NBPF10: variants seen among roughly 807,000 people sequenced by gnomAD.
NBPF10 encodes the protein NBPF family member NBPF10.
In NBPF10, 63 loss-of-function variants were observed where a neutral mutation model predicts 77.9. The ratio of observed to expected loss-of-function variants is 0.81; its 90% CI spans 0.66 to 1.00. NBPF10 has a LOEUF of 1.00. Ranked by LOEUF, NBPF10 falls within the 50% of genes least tolerant of loss-of-function variation. The pLI is 0.00. For synonymous variants in NBPF10, 146 were observed against 264.5 expected (o/e 0.55, Z 4.35); for missense variants, 522 against 679.8 (o/e 0.77, Z 2.58).
intron 11 of NBPF10, among the ~76,000 whole-genome samples, chr1:146,130,308 G>T (rs1175550224): frequency 3.5e-4 from 1 of 2,878 alleles, no homozygotes; most frequent in African/African-American, 2.0e-3. Flanking sequence ...ATCATTGCTG[G>T]ATATTTGGCT....
At chr1:146,136,389 T>A (rs1232154921) in exon 7 of NBPF10, 9 of 1,609,768 alleles carry the variant, frequency 5.6e-6, no homozygotes, top group Admixed American at 1.7e-5. Flanking sequence ...CTCTGCAAGC[T>A]TCTCCTCCTT....
intron 14 of NBPF10, among the ~76,000 whole-genome samples, 190 bp downstream of exon 14, chr1:146,126,046 C>A (rs1401782929): frequency 6.6e-6 from 1 of 151,680 alleles, no homozygotes; most frequent in African/African-American, 2.4e-5. Context: ...AGGAAGAGAG[C>A]CTTGCTCACT....
rs1310807127 is a variant in NBPF10 at position 146,067,911 on chromosome 1, T to C, written c.11035+92A>G. ...AGGTCCTGCCTGCGGCAATGACGTC[T>C]CTCGGGTCAGCAAGGGCCACTTGGA... On this transcript the variant is annotated intron_variant, in intron 88 of 89. Coordinates refer to ENST00000583866, the Ensembl canonical transcript of NBPF10. 32 of 706,678 alleles carry C rather than the reference T, an allele frequency of 4.5e-5. 1 individual carries two copies. The highest frequency in any genetic ancestry group is 7.3e-4 in the Middle Eastern group (2 of 2,746). The allele number at this position is 706,678 out of a possible 1,614,324, so 43.8% of individuals were successfully genotyped here.
At chr1:146,121,799 A>T in intron 19 of NBPF10, 129 bp from the exon 20 acceptor site, 1 of 622,334 alleles carries the variant, frequency 1.6e-6, no homozygotes, top group South Asian at 2.0e-5. Flanking sequence ...ATGAGGTAAC[A>T]AATTATTGCC....
At chr1:146,142,258 G>A (rs868914389) in intron 2 of NBPF10, among the ~76,000 whole-genome samples, 17 of 111,024 alleles carry the variant, frequency 1.5e-4, no homozygotes, top group Admixed American at 4.8e-4. Flanking sequence ...CAGGGTCGAG[G>A]AGGCAACATT....
intron 88 of NBPF10, among the ~76,000 whole-genome samples, chr1:146,067,766 A>G (rs1295279407): frequency 1.3e-5 from 2 of 151,408 alleles, no homozygotes; most frequent in Non-Finnish European, 1.5e-5. Context: ...TGTCATGAGA[A>G]TAGGATCAGG....
intron 14 of NBPF10, among the ~76,000 whole-genome samples, 187 bp from the exon 15 acceptor site, chr1:146,125,703 C>G (rs1342074424): frequency 7.6e-6 from 1 of 131,634 alleles, no homozygotes; most frequent in African/African-American, 3.0e-5. Context: ...GTCCCAGAAA[C>G]TGTGGGTAAA....
In NBPF10 at chr1:146,122,629, T is replaced by A. The variant is rs1446463357; in HGVS notation, c.2477-238A>T. On this transcript the variant is annotated intron_variant, in intron 18 of 89. Transcript: ENST00000583866. ...TAGATCGTTATCTCAATATCATTTG[T>A]CCCAAGTTTGTGCAAACAGTTACGC... 8.5e-4 allele frequency among the ~76,000 whole-genome samples: 15 copies of A among 17,600 alleles called. 7 individuals carry two copies. The Admixed American group carries it at 0.012, about 14-fold the overall frequency. 11.5% of individuals were successfully genotyped at this position (17,600 alleles called of 152,430 possible).
chr1:146,126,363 C>T (rs1346794631), exon 14 of NBPF10: 6 of 1,391,046 alleles, frequency 4.3e-6, no homozygotes, highest in Non-Finnish European at 5.1e-6. Context: ...CCTGTGAGTC[C>T]TGCAAGACTT....
At chr1:146,125,992 A>T (rs587768152) in intron 14 of NBPF10, among the ~76,000 whole-genome samples, 6 of 151,836 alleles carry the variant, frequency 4.0e-5, no homozygotes, top group Non-Finnish European at 8.8e-5. Context: ...CAGATCCAAC[A>T]TCTTGAGAGT....
chr1:146,136,734 A>C (rs1553795108), intron 6 of NBPF10, among the ~76,000 whole-genome samples: 1 of 144,694 alleles, frequency 6.9e-6, no homozygotes, highest in African/African-American at 2.8e-5. Context: ...ACAGTCCCTG[A>C]GGTCTGACTC....
In NBPF10 at chr1:146,067,967, G is replaced by A. The variant is rs587611271; in HGVS notation, c.11035+36C>T. The A allele has an allele frequency of 6.8e-6, 4 of 584,506 alleles. No homozygotes were observed. The East Asian group carries it at 9.6e-5, about 14-fold the overall frequency. 36.2% of individuals were successfully genotyped at this position (584,506 alleles called of 1,614,324 possible). Reference sequence around the variant, plus strand: ...AATATCACCCCTATCTGGAAGACCAGGTGGAGGCTTATCACCTTCACAGTA... The same window carrying A: ...AATATCACCCCTATCTGGAAGACCAAGTGGAGGCTTATCACCTTCACAGTA... On this transcript the variant is annotated intron_variant, in intron 88 of 89. Transcript: ENST00000583866.
chr1:146,142,618 C>G lies in NBPF10; in HGVS notation c.278+32G>C. On this transcript the variant is annotated intron_variant, in intron 2 of 89. Coordinates refer to ENST00000583866, the Ensembl canonical transcript of NBPF10. ...TGTACTTCAGAGATCTACACACCTA[C>G]CCGCCTGCCTCCCCCTATGGGGTCC... The G allele has an allele frequency of 9.3e-6, 11 of 1,184,702 alleles. 1 individual carries two copies. The highest frequency in any genetic ancestry group is 1.2e-5 in the Non-Finnish European group (10 of 830,724). The allele number at this position is 1,184,702 out of a possible 1,614,324, so 73.4% of individuals were successfully genotyped here.
At chr1:146,136,008 G>C (rs4068048) in intron 7 of NBPF10, among the ~76,000 whole-genome samples, 1 of 149,744 alleles carries the variant, frequency 6.7e-6, no homozygotes, top group South Asian at 2.2e-4. Context: ...AGTCAGTCAG[G>C]AGGTGATTCT....
chr1:146,126,188 A>T (rs1553789824), intron 14 of NBPF10, 48 bp downstream of exon 14: 2 of 1,023,050 alleles, frequency 2.0e-6, no homozygotes, highest in Non-Finnish European at 3.1e-6. Context: ...TATGACCCTA[A>T]CCAGAAGACT....
chr1:146,126,239 C>T (rs781966051), exon 14 of NBPF10: 2 of 1,604,770 alleles, frequency 1.2e-6, no homozygotes, highest in Non-Finnish European at 1.7e-6. Context: ...TACTCACCAT[C>T]CATGTCAATA....
At chr1:146,123,506 A>ACG (rs1658324793) in intron 17 of NBPF10, among the ~76,000 whole-genome samples, 1 of 103,330 alleles carries the variant, frequency 9.7e-6, no homozygotes, top group Non-Finnish European at 1.9e-5. Flanking sequence ...ACACACACAC[A>ACG]CACACACACA....
At chr1:146,109,345 CAGAGAGAGAG>C (rs782284106) in intron 35 of NBPF10, among the ~76,000 whole-genome samples, 23 of 63,568 alleles carry the variant, frequency 3.6e-4, no homozygotes, top group South Asian at 5.6e-4. Flanking sequence ...CACACACACA[CAGAGAGAGAG>C]AGAGAGAACG....
Position 146,125,912 on chromosome 1 carries a change from A to G in NBPF10, c.2026+324T>C, listed in dbSNP as rs75290986. Among the ~76,000 whole-genome samples the G allele has an allele frequency of 6.6e-4, 100 of 151,634 alleles. 1 individual carries two copies. The highest frequency in any genetic ancestry group is 6.8e-3 in the Middle Eastern group (2 of 294). On this transcript the variant is annotated intron_variant, in intron 14 of 89. Coordinates refer to ENST00000583866, the Ensembl canonical transcript of NBPF10. ...GGATTTTAGACGCTGAAATTAGAGT[A>G]AAGGATGAAATCTACAAGATCTACA...
Sources: allele counts gnomAD v4.1 joint callset (sites outside exome capture counted in the v4.1 genomes callset), GRCh38; gene constraint gnomAD v4.1.1; transcripts MANE v1.5; gene names NCBI Gene and HGNC (gene_info 2026-07-23, HGNC 2026-07-21).